The following CSTPP1 variants were observed in gnomAD, a reference collection of about 807,000 sequenced individuals.
CSTPP1 encodes UPF0705 protein C11orf49.
the CSTPP1 span, among the ~76,000 whole-genome samples, chr11:47,109,885 A>G: frequency 6.6e-6 from 1 of 152,216 alleles, no homozygotes; most frequent in Non-Finnish European, 1.5e-5. Flanking sequence ...GAGAAATAGC[A>G]TTTGTGTGCA....
the CSTPP1 span, among the ~76,000 whole-genome samples, chr11:46,981,753 G>GT: frequency 2.6e-5 from 4 of 151,900 alleles, no homozygotes; most frequent in African/African-American, 9.6e-5. Flanking sequence ...AACCTCTCTA[G>GT]TTTTTAAAAA....
At chr11:47,041,086 G>GC in the CSTPP1 span, 2 of 186,950 alleles carry the variant, frequency 1.1e-5, no homozygotes, top group South Asian at 1.2e-4. Context: ...GACTTTGTCT[G>GC]CCCCCTGCAC....
chr11:46,999,149 C>G, the CSTPP1 span, among the ~76,000 whole-genome samples: 2 of 151,840 alleles, frequency 1.3e-5, no homozygotes, highest in Non-Finnish European at 2.9e-5. Context: ...ACTCTATAAC[C>G]CTGGGCAAAT....
At chr11:47,106,787 C>A in the CSTPP1 span, among the ~76,000 whole-genome samples, 1 of 152,168 alleles carries the variant, frequency 6.6e-6, no homozygotes, top group African/African-American at 2.4e-5. Flanking sequence ...CCCTTCCTGC[C>A]ACCAAGGTAA....
At chr11:46,992,516 G>T in the CSTPP1 span, among the ~76,000 whole-genome samples, 5 of 151,740 alleles carry the variant, frequency 3.3e-5, no homozygotes, top group Admixed American at 2.6e-4. Flanking sequence ...GTGACAGTTT[G>T]CTCAGAGTGA....
chr11:47,141,954 A>C, the CSTPP1 span, among the ~76,000 whole-genome samples: 1 of 148,876 alleles, frequency 6.7e-6, no homozygotes, highest in Non-Finnish European at 1.5e-5. Context: ...AAAAAAAAAA[A>C]AAAACCACGA....
At chr11:47,028,011 C>T in the CSTPP1 span, among the ~76,000 whole-genome samples, 9 of 150,778 alleles carry the variant, frequency 6.0e-5, no homozygotes, top group Non-Finnish European at 1.3e-4. Context: ...GCAAGCTCCA[C>T]CTCCTGGGTT....
the CSTPP1 span, chr11:47,004,396 C>G: frequency 6.6e-6 from 1 of 151,358 alleles, no homozygotes; most frequent in Non-Finnish European, 1.5e-5. Flanking sequence ...TCAAACTGGT[C>G]TTGAACTCCT....
the CSTPP1 span, among the ~76,000 whole-genome samples, chr11:46,949,734 C>T: frequency 2.7e-5 from 4 of 150,042 alleles, no homozygotes; most frequent in Non-Finnish European, 4.4e-5. Context: ...ATGGCACAAT[C>T]TCAGCTCACT....
chr11:47,046,671 T>C, the CSTPP1 span, among the ~76,000 whole-genome samples: 1 of 126,594 alleles, frequency 7.9e-6, no homozygotes, highest in Non-Finnish European at 1.7e-5. Context: ...TTTTTTTTTT[T>C]TTTTTTTTTT....
the CSTPP1 span, among the ~76,000 whole-genome samples, chr11:47,063,065 A>G: frequency 1.3e-5 from 2 of 152,166 alleles, no homozygotes; most frequent in Non-Finnish European, 2.9e-5. Context: ...ATTTATAATC[A>G]CTAAAAGGTA....
the CSTPP1 span, among the ~76,000 whole-genome samples, chr11:46,970,551 A>G: frequency 1.3e-5 from 2 of 151,920 alleles, no homozygotes; most frequent in Admixed American, 1.3e-4. Flanking sequence ...ATATTAATGT[A>G]TTTTTTATAA....
the CSTPP1 span, among the ~76,000 whole-genome samples, chr11:46,955,183 C>T: frequency 6.6e-6 from 1 of 152,148 alleles, no homozygotes; most frequent in Non-Finnish European, 1.5e-5. Flanking sequence ...TAAGTTTCTA[C>T]CACCTGCATA....
the CSTPP1 span, among the ~76,000 whole-genome samples, chr11:47,028,753 T>A: frequency 7.2e-5 from 11 of 152,332 alleles, no homozygotes; most frequent in South Asian, 2.3e-3. Context: ...TTAGGCTTCC[T>A]CTGAATTTCA....
the CSTPP1 span, among the ~76,000 whole-genome samples, chr11:47,110,020 G>A: frequency 6.6e-6 from 1 of 152,106 alleles, no homozygotes; most frequent in Admixed American, 6.6e-5. Flanking sequence ...AGCTCAAATG[G>A]TACGTTCTCA....
chr11:46,987,468 GA>G, the CSTPP1 span: 5 of 602,756 alleles, frequency 8.3e-6, no homozygotes, highest in Non-Finnish European at 1.2e-5. Flanking sequence ...ACATGTTTTG[GA>G]GCATGCCTTT....
the CSTPP1 span, chr11:46,936,702 C>G: frequency 1.3e-6 from 2 of 1,537,278 alleles, no homozygotes; most frequent in Non-Finnish European, 1.8e-6. Flanking sequence ...TCCTCCAGCT[C>G]CCGTCCCCCT....
the CSTPP1 span, among the ~76,000 whole-genome samples, chr11:47,136,946 T>TTCTC: frequency 1.3e-5 from 2 of 152,160 alleles, no homozygotes; most frequent in Non-Finnish European, 2.9e-5. Context: ...CCTCTCTGGG[T>TTCTC]TCTCTGCTGG....
chr11:47,022,195 T>C, the CSTPP1 span, among the ~76,000 whole-genome samples: 1 of 151,956 alleles, frequency 6.6e-6, no homozygotes, highest in African/African-American at 2.4e-5. Flanking sequence ...TTTCATTCCA[T>C]TTATGTTTTG....
Sources: gnomAD v4.1 joint callset for allele counts (sites outside exome capture counted in the v4.1 genomes callset) on GRCh38, gnomAD v4.1.1 for gene constraint, MANE v1.5 for transcripts, NCBI Gene and HGNC (gene_info 2026-07-23, HGNC 2026-07-21) for gene names.